Variants in PCSK1 observed in about 807,000 individuals in gnomAD.
The protein encoded by PCSK1 is neuroendocrine convertase 1.
Under a neutral mutation model 90.6 loss-of-function variants are expected in PCSK1, and 56 were observed. That is an observed-to-expected ratio of 0.62 (90% CI 0.50 to 0.77). PCSK1 has a LOEUF of 0.77. Among genes scored for constraint, PCSK1 ranks in the 30% least tolerant of loss-of-function variants. The pLI is 0.00. For missense variants in PCSK1, 801 were observed against 932.6 expected (o/e 0.86, Z 1.84); for synonymous variants, 348 against 342.4 (o/e 1.02, Z -0.18).
In PCSK1 at chr5:96,393,087, C is replaced by G; in HGVS notation, c.2176G>C (p.Asp726His). 6.2e-7 allele frequency: 1 copy of G among 1,614,106 alleles called. No homozygotes were observed. The highest frequency in any genetic ancestry group is 8.5e-7 in the Non-Finnish European group (1 of 1,179,956). The change falls in exon 14 of 14, where the codon GAT becomes CAT. Residue 726 changes from aspartate to histidine, a missense_variant. Coordinates refer to ENST00000311106, the MANE Select transcript of PCSK1 (RefSeq NM_000439.5). ...TAAGGTTTAGTGTTATAAAAAACAT[C>G]AACATAGTCATTATACAGACTGTCT... Reference protein sequence around the residue: ...SEDSLYNDYVDVFYNTKPYKH... With the variant: ...SEDSLYNDYVHVFYNTKPYKH...
chr5:96,430,818 TCCCCC>T (rs1261564076), intron 1 of PCSK1, among the ~76,000 whole-genome samples: 1 of 152,194 alleles, frequency 6.6e-6, no homozygotes, highest in East Asian at 1.9e-4. Context: ...TAGATGGTTT[TCCCCC>T]ACTATTTGTT....
intron 2 of PCSK1, among the ~76,000 whole-genome samples, chr5:96,427,669 G>C (rs182556213): frequency 6.6e-6 from 1 of 152,202 alleles, no homozygotes; most frequent in Admixed American, 6.5e-5. Flanking sequence ...GAGATACTTT[G>C]AGTAAGAATA....
intron 5 of PCSK1, among the ~76,000 whole-genome samples, chr5:96,419,778 TATTTTA>T (rs1483792135): frequency 6.6e-6 from 1 of 151,992 alleles, no homozygotes; most frequent in Non-Finnish European, 1.5e-5. Context: ...AATTATATTT[TATTTTA>T]ATTATTATAT....
rs964811680 is a variant in PCSK1, at chr5:96,400,003, G to T, written c.1380C>A (p.Ser460Arg). ...VDLADPRTWR[S>R]VPEKKECVVK... is the part of the protein sequence containing the mutation. ...CAACACACTCTTTCTTCTCAGGCAC[G>T]CTCCTCCAGGTCCTGGGGTCAGCTA... The change falls in exon 10 of 14, where the codon AGC becomes AGA. Residue 460 changes from serine (S) to arginine (R), a missense_variant. Ser to Arg is a moderately radical substitution (Grantham distance 110). Transcript: ENST00000311106. 11 of 1,614,034 alleles carry T rather than the reference G, an allele frequency of 6.8e-6. No individual in the cohort carries two copies. The highest frequency in any genetic ancestry group is 9.3e-6 in the Non-Finnish European group (11 of 1,180,008).
intron 5 of PCSK1, among the ~76,000 whole-genome samples, chr5:96,421,451 T>G (rs1394794848): frequency 1.3e-5 from 2 of 152,226 alleles, no homozygotes; most frequent in African/African-American, 4.8e-5. Context: ...AAGGTGACTG[T>G]AGCCACCGTC....
intron 6 of PCSK1, among the ~76,000 whole-genome samples, chr5:96,412,716 C>A (rs1044546423): frequency 5.6e-5 from 8 of 143,822 alleles, no homozygotes; most frequent in African/African-American, 2.2e-4. Flanking sequence ...AGAGATAATA[C>A]TATGCAATAC....
At chr5:96,403,649 C>T (rs984870592) in intron 9 of PCSK1, among the ~76,000 whole-genome samples, 3 of 152,162 alleles carry the variant, frequency 2.0e-5, no homozygotes, top group East Asian at 1.9e-4. Context: ...AATTAAACAC[C>T]GAATTAAGCA....
intron 5 of PCSK1, among the ~76,000 whole-genome samples, chr5:96,420,497 T>C (rs1498929): frequency 6.6e-6 from 1 of 152,120 alleles, no homozygotes; most frequent in African/African-American, 2.4e-5. Context: ...GGTTAACCCC[T>C]TTAGTCACCC....
rs928352779 is a variant in PCSK1 at position 96,416,075 on chromosome 5, G to C, written c.667C>G (p.His223Asp). The C allele has an allele frequency of 6.2e-7, 1 of 1,613,152 alleles. No homozygotes were observed. Among genetic ancestry groups the C allele is most frequent in the African/African-American group, 1.3e-5 (1 of 74,904 alleles). The stretch of plus-strand genomic sequence containing the variant: ...TATGCAACTCCAACCCCGCATTTGT[G>C]ATTATTTGCTTGCATGGCAATTTCT... Reference protein sequence around the residue: ...AGEIAMQANNHKCGVGVAYNS... With the variant: ...AGEIAMQANNDKCGVGVAYNS... The change falls in exon 6 of 14, where the codon CAC becomes GAC. Residue 223 changes from histidine to aspartate, a missense_variant. Physicochemically the swap from His to Asp is moderately conservative, Grantham distance 81. Coordinates refer to ENST00000311106, the MANE Select transcript of PCSK1 (RefSeq NM_000439.5).
intron 7 of PCSK1, among the ~76,000 whole-genome samples, chr5:96,411,998 G>A (rs1760769818): frequency 1.3e-5 from 2 of 152,262 alleles, no homozygotes; most frequent in East Asian, 3.9e-4. Flanking sequence ...CTAGGTTGCA[G>A]AACAGTGCAA....
chr5:96,394,049 G>A (rs969694013), intron 13 of PCSK1, among the ~76,000 whole-genome samples: 4 of 152,192 alleles, frequency 2.6e-5, no homozygotes, highest in Non-Finnish European at 5.9e-5. Context: ...AATATAAATG[G>A]AACTAGAATT....
chr5:96,427,589 C>T (rs533040297), intron 2 of PCSK1, among the ~76,000 whole-genome samples: 26 of 152,124 alleles, frequency 1.7e-4, no homozygotes, highest in African/African-American at 6.0e-4. Context: ...CTTGAGATTC[C>T]ACCCCTCCCC....
chr5:96,412,219 C>T (rs1210750444), intron 7 of PCSK1, 99 bp downstream of exon 7: 2 of 1,060,990 alleles, frequency 1.9e-6, no homozygotes, highest in Non-Finnish European at 2.9e-6. Context: ...TTAAGAAATC[C>T]ACAACAATGT....
chr5:96,419,993 A>G (rs1761069635), intron 5 of PCSK1, among the ~76,000 whole-genome samples: 1 of 152,034 alleles, frequency 6.6e-6, no homozygotes, highest in South Asian at 2.1e-4. Flanking sequence ...GCCTGGAAGG[A>G]CCGTATACTG....
chr5:96,431,077 C>T (rs1316437506), intron 1 of PCSK1, among the ~76,000 whole-genome samples: 1 of 152,154 alleles, frequency 6.6e-6, no homozygotes, highest in African/African-American at 2.4e-5. Context: ...AGTAGCTGCT[C>T]AAGGAATACA....
chr5:96,420,907 G>C (rs762987118), intron 5 of PCSK1, among the ~76,000 whole-genome samples: 10 of 152,180 alleles, frequency 6.6e-5, no homozygotes, highest in Non-Finnish European at 1.2e-4. Flanking sequence ...TATACCAAGA[G>C]CTGTTAGATG....
intron 6 of PCSK1, among the ~76,000 whole-genome samples, chr5:96,413,652 T>C (rs1760843242): frequency 6.7e-6 from 1 of 149,478 alleles, no homozygotes; most frequent in East Asian, 2.0e-4. Context: ...ATACAAAAAT[T>C]AGTCAGGCAT....
intron 2 of PCSK1, 56 bp downstream of exon 2, chr5:96,429,157 A>G (rs1490698817): frequency 1.4e-5 from 13 of 910,034 alleles, no homozygotes; most frequent in Non-Finnish European, 2.3e-5. Flanking sequence ...ATTAGAAATC[A>G]TAAAGAAAGC....
At chr5:96,413,565 C>T (rs1169739559) in intron 6 of PCSK1, among the ~76,000 whole-genome samples, 2 of 152,042 alleles carry the variant, frequency 1.3e-5, no homozygotes, top group Non-Finnish European at 2.9e-5. Flanking sequence ...TTTGGGAGGC[C>T]GAGGTGGGTG....
Sources: gnomAD v4.1 joint callset for allele counts (sites outside exome capture counted in the v4.1 genomes callset) on GRCh38, gnomAD v4.1.1 for gene constraint, MANE v1.5 for transcripts, NCBI Gene and HGNC (gene_info 2026-07-23, HGNC 2026-07-21) for gene names.